The following GREB1L variants were observed in gnomAD, a reference collection of about 807,000 sequenced individuals.
GREB1L encodes the protein GREB1-like protein.
In GREB1L, 17 loss-of-function variants were observed where a neutral mutation model predicts 200.8. The observed-to-expected ratio is 0.08, with a 90% CI of 0.06 to 0.13. The LOEUF is 0.13. GREB1L is among the 10% of genes least tolerant of loss of function. The probability of loss-of-function intolerance (pLI) is 1.00; values close to 1 mark genes in which losing one functional copy is unlikely to be tolerated. For synonymous variants in GREB1L, 789 were observed against 893.0 expected (o/e 0.88, Z 2.08); for missense variants, 1,657 against 2,367.7 (o/e 0.70, Z 6.23).
chr18:21,457,622 T>C (rs2034830005), intron 15 of GREB1L, among the ~76,000 whole-genome samples: 1 of 152,234 alleles, frequency 6.6e-6, no homozygotes, highest in Admixed American at 6.5e-5. Context: ...TTCCATGTCA[T>C]GAACATCTTT....
At chr18:21,340,703 T>C (rs1025127288) in intron 1 of GREB1L, among the ~76,000 whole-genome samples, 5 of 151,722 alleles carry the variant, frequency 3.3e-5, no homozygotes, top group Non-Finnish European at 7.4e-5. Context: ...CCACCATGCC[T>C]GGCTAATTTT....
chr18:21,403,328 T>G (rs183994861), intron 6 of GREB1L, among the ~76,000 whole-genome samples: 25 of 152,354 alleles, frequency 1.6e-4, no homozygotes, highest in Admixed American at 1.4e-3. Flanking sequence ...GACTATTGGC[T>G]GTCTCCTTTA....
chr18:21,283,777 G>A lies in GREB1L; in HGVS notation c.-120+41384G>A, dbSNP rs377607822. Among the ~76,000 whole-genome samples, 27 of 152,262 alleles carry A rather than the reference G, an allele frequency of 1.8e-4. No homozygotes were observed. In the East Asian group the frequency reaches 2.3e-3, roughly 13 times the overall value. The stretch of plus-strand genomic sequence containing the variant: ...TAGCTATTTGCAGTCTGTATTAACT[G>A]TCTTTAGGATATGAACATCTTGTTC... On this transcript the variant is annotated intron_variant, in intron 1 of 32. Coordinates refer to ENST00000424526, the MANE Select transcript of GREB1L (RefSeq NM_001142966.3).
chr18:21,457,032 T>C (rs2034798247), intron 15 of GREB1L, among the ~76,000 whole-genome samples: 2 of 152,186 alleles, frequency 1.3e-5, no homozygotes, highest in Admixed American at 6.5e-5. Flanking sequence ...ATGGCACCTG[T>C]TTGAAGTGAC....
At chr18:21,339,183 T>G (rs1397201018) in intron 1 of GREB1L, among the ~76,000 whole-genome samples, 2 of 148,576 alleles carry the variant, frequency 1.3e-5, no homozygotes, top group Non-Finnish European at 3.0e-5. Context: ...CCAGACTCCA[T>G]CTCAAAAAAA....
At chr18:21,440,447 T>C (rs1266575566) in intron 9 of GREB1L, 59 bp downstream of exon 9, 1 of 1,450,920 alleles carries the variant, frequency 6.9e-7, no homozygotes. Flanking sequence ...AGATATCTTC[T>C]ACTTCCATTC....
chr18:21,482,791 G>A (rs1482367769), intron 17 of GREB1L, among the ~76,000 whole-genome samples: 1 of 152,100 alleles, frequency 6.6e-6, no homozygotes, highest in African/African-American at 2.4e-5. Context: ...CGAAAGCACA[G>A]GGAGCATGGA....
At chr18:21,500,977 G>A (rs891498068) in intron 23 of GREB1L, among the ~76,000 whole-genome samples, 1 of 151,070 alleles carries the variant, frequency 6.6e-6, no homozygotes, top group Non-Finnish European at 1.5e-5. Context: ...GCTGAGGCAG[G>A]AGAATCACTT....
At chr18:21,521,940 G>A (rs1336682577) in intron 32 of GREB1L, among the ~76,000 whole-genome samples, 1 of 126,922 alleles carries the variant, frequency 7.9e-6, no homozygotes, top group Non-Finnish European at 1.6e-5. Flanking sequence ...GGAGGCGGAG[G>A]TTGCAGTGAG....
rs540553004 is a variant in GREB1L, at chr18:21,284,924, G to A, written c.-120+42531G>A. Among the ~76,000 whole-genome samples the A allele has an allele frequency of 9.0e-4, 137 of 151,896 alleles. 2 individuals carry two copies. Among genetic ancestry groups the A allele is most frequent in the South Asian group, 4.2e-4 (2 of 4,818 alleles). ...TGGGTTTGATTTGCATTTCTCTAAT[G>A]GTTAATAATATTGAGCACCTTTTCA... On this transcript the variant is annotated intron_variant, in intron 1 of 32. Coordinates refer to ENST00000424526, the MANE Select transcript of GREB1L (RefSeq NM_001142966.3).
chr18:21,395,132 AAG>A (rs2041000154), intron 4 of GREB1L, among the ~76,000 whole-genome samples: 1 of 151,334 alleles, frequency 6.6e-6, no homozygotes, highest in Non-Finnish European at 1.5e-5. Flanking sequence ...AGAAAAAAAA[AAG>A]AAAAAATATG....
intron 16 of GREB1L, among the ~76,000 whole-genome samples, chr18:21,476,678 C>A (rs1238460532): frequency 6.6e-6 from 1 of 151,956 alleles, no homozygotes; most frequent in Admixed American, 6.6e-5. Context: ...AAGCAATTCT[C>A]CTGCCTTAGC....
chr18:21,455,560 G>A (rs1216311987), intron 15 of GREB1L, among the ~76,000 whole-genome samples: 1 of 151,920 alleles, frequency 6.6e-6, no homozygotes, highest in East Asian at 1.9e-4. Flanking sequence ...GCACATGCCT[G>A]TTATCCCAGC....
intron 7 of GREB1L, among the ~76,000 whole-genome samples, chr18:21,424,577 G>C (rs1245330371): frequency 1.3e-5 from 2 of 151,966 alleles, no homozygotes; most frequent in Non-Finnish European, 2.9e-5. Flanking sequence ...TCAAAATAAA[G>C]TGTGACAGAG....
chr18:21,432,009 G>A (rs1449405809), intron 7 of GREB1L, among the ~76,000 whole-genome samples: 1 of 138,548 alleles, frequency 7.2e-6, no homozygotes, highest in South Asian at 2.5e-4. Flanking sequence ...TGCAAGCTCC[G>A]CCTCCTGGGT....
At chr18:21,447,834 T>A (rs1014976912) in intron 11 of GREB1L, among the ~76,000 whole-genome samples, 2 of 152,070 alleles carry the variant, frequency 1.3e-5, no homozygotes, top group Admixed American at 6.5e-5. Context: ...GATTTTTTTT[T>A]AAAGAGCATC....
At chr18:21,515,393 T>A (rs762083131) in intron 28 of GREB1L, 24 bp from the exon 29 acceptor site, 1 of 1,451,232 alleles carries the variant, frequency 6.9e-7, no homozygotes, top group Non-Finnish European at 9.5e-7. Flanking sequence ...TTTATCAACA[T>A]CTTATATAAA....
intron 1 of GREB1L, among the ~76,000 whole-genome samples, chr18:21,361,793 T>A (rs1484492049): frequency 6.6e-6 from 1 of 152,186 alleles, no homozygotes; most frequent in African/African-American, 2.4e-5. Context: ...TTTTCTAGCA[T>A]GCATATTGAT....
chr18:21,278,389 A>AAAAAAAAT lies in GREB1L; in HGVS notation c.-120+35999_-120+36000insAAAATAAA, dbSNP rs750178610. Among the ~76,000 whole-genome samples the AAAAAAAAT allele has an allele frequency of 3.5e-3, 435 of 125,588 alleles. 1 individual carries two copies. Among genetic ancestry groups the AAAAAAAAT allele is most frequent in the African/African-American group, 6.8e-3 (213 of 31,152 alleles). The allele number at this position is 125,588 out of a possible 152,430, so 82.4% of individuals were successfully genotyped here. A position where few individuals can be genotyped will look rare whatever the true frequency, so the allele number is the denominator to read the frequency against. On this transcript the variant is annotated intron_variant, in intron 1 of 32. Coordinates refer to ENST00000424526, the MANE Select transcript of GREB1L (RefSeq NM_001142966.3). ...GAGCAAGACTCCATCTCAAAAAAAA[A>AAAAAAAAT]AAATAAATAAATAAATAAATAAATA...
Sources: allele counts gnomAD v4.1 joint callset (sites outside exome capture counted in the v4.1 genomes callset), GRCh38; gene constraint gnomAD v4.1.1; transcripts MANE v1.5; gene names NCBI Gene and HGNC (gene_info 2026-07-23, HGNC 2026-07-21).